ZNF18: variants seen among roughly 807,000 people sequenced by gnomAD.
The protein encoded by ZNF18 is zinc finger protein 18.
ZNF18 carries 42 observed loss-of-function variants against 58.1 expected under a neutral mutation model. The ratio of observed to expected loss-of-function variants is 0.72; its 90% CI spans 0.56 to 0.93. The LOEUF is 0.93. ZNF18 is among the 40% of genes least tolerant of loss of function. The probability of loss-of-function intolerance (pLI) is 0.00; values close to 1 mark genes in which losing one functional copy is unlikely to be tolerated. For synonymous variants in ZNF18, 231 were observed against 239.8 expected (o/e 0.96, Z 0.34); for missense variants, 540 against 644.2 (o/e 0.84, Z 1.75).
At position 11,992,916 on chromosome 17, in the gene ZNF18, A is replaced by G; in HGVS notation, c.-82-5T>C. ...AACTAGGTCTTCACCAGGACACTAAAAAGGGAATGAGATTGAGTGCTACAC... is the reference window on the plus strand; with the variant it reads ...AACTAGGTCTTCACCAGGACACTAAGAAGGGAATGAGATTGAGTGCTACAC... On this transcript the variant is annotated splice_polypyrimidine_tract_variant and splice_region_variant and intron_variant, in intron 1 of 6. Transcript: ENST00000580306. The G allele has an allele frequency of 1.4e-6, 2 of 1,435,778 alleles. No individual in the cohort carries two copies. Among genetic ancestry groups the G allele is most frequent in the Non-Finnish European group, 1.9e-6 (2 of 1,078,370 alleles). The allele number at this position is 1,435,778 out of a possible 1,614,324, so 88.9% of individuals were successfully genotyped here.
rs1179271271 is a variant in ZNF18 at position 11,978,483 on chromosome 17, G to A, written c.1124C>T (p.Pro375Leu). ...GGACATTTCTCCTGAATGAGGATTAGGCAAATGCTGACCTAGTTGTTTCTC... is the reference window on the plus strand; with the variant it reads ...GGACATTTCTCCTGAATGAGGATTAAGCAAATGCTGACCTAGTTGTTTCTC... ...ISEKQLGQHL[P>L]NPHSGEMSTM... Residue 375 changes from proline to leucine, a missense_variant, in exon 7 of 7, where the codon CCT becomes CTT. Physicochemically the swap from Pro to Leu is moderately conservative, Grantham distance 98. Coordinates refer to ENST00000580306, the MANE Select transcript of ZNF18 (RefSeq NM_001303281.2). 5.0e-6 allele frequency: 8 copies of A among 1,600,886 alleles called. No individual in the cohort carries two copies. The Admixed American group carries it at 8.6e-5, about 17-fold the overall frequency.
At position 11,981,384 on chromosome 17, in the gene ZNF18, G is replaced by A. The variant is rs144988997; in HGVS notation, c.862+1913C>T. Among the ~76,000 whole-genome samples, 983 of 149,474 alleles carry A rather than the reference G, an allele frequency of 6.6e-3. 9 individuals are homozygous for A. The highest frequency in any genetic ancestry group is 0.043 in the East Asian group (216 of 5,064). On this transcript the variant is annotated intron_variant, in intron 6 of 6. Coordinates refer to ENST00000580306, the MANE Select transcript of ZNF18 (RefSeq NM_001303281.2). ...GCCCAGGCTGGAGTGCAATGGCGCGGTCTCGGCTCACTGCAACCTCCGCCT... is the reference window on the plus strand; with the variant it reads ...GCCCAGGCTGGAGTGCAATGGCGCGATCTCGGCTCACTGCAACCTCCGCCT...
At chr17:12,001,594 A>T (rs1351306208), upstream of ZNF18, among the ~76,000 whole-genome samples, 4 of 152,146 alleles carry the variant, frequency 2.6e-5, no homozygotes, top group African/African-American at 7.2e-5. Context: ...GCGCCACTGC[A>T]CTCCAGCCTG....
chr17:11,988,880 C>T (rs954317605), intron 4 of ZNF18, among the ~76,000 whole-genome samples: 9 of 151,978 alleles, frequency 5.9e-5, no homozygotes, highest in African/African-American at 1.4e-4. Flanking sequence ...CCAAGCAGGC[C>T]GGGCATGGTG....
chr17:11,990,121 A>G (rs1968008864), intron 4 of ZNF18, among the ~76,000 whole-genome samples: 1 of 152,184 alleles, frequency 6.6e-6, no homozygotes, highest in Non-Finnish European at 1.5e-5. Flanking sequence ...AAAACCATAC[A>G]CCCACAGAGC....
chr17:11,995,879 T>C (rs1968444061), intron 1 of ZNF18, among the ~76,000 whole-genome samples: 1 of 152,006 alleles, frequency 6.6e-6, no homozygotes. Flanking sequence ...GCTCTAAAAA[T>C]ATTACGCAAA....
At chr17:12,010,243 A>G in the ZNF18 span, among the ~76,000 whole-genome samples, 17 of 152,288 alleles carry the variant, frequency 1.1e-4, no homozygotes, top group Admixed American at 3.3e-4. Flanking sequence ...TCATTTATAT[A>G]TCTTGTAATT....
At chr17:11,994,496 T>C (rs114463174) in intron 1 of ZNF18, among the ~76,000 whole-genome samples, 1,753 of 152,276 alleles carry the variant, frequency 0.012, 36 homozygotes, top group African/African-American at 0.04. Context: ...ACATTTTGCA[T>C]GTTACTGTAT....
intron 4 of ZNF18, among the ~76,000 whole-genome samples, chr17:11,984,802 TGGCC>T: frequency 6.6e-6 from 1 of 152,316 alleles, no homozygotes; most frequent in East Asian, 1.9e-4. Context: ...CCACCTTGCC[TGGCC>T]GGTACTATTT....
chr17:12,017,248 G>T, the ZNF18 span, among the ~76,000 whole-genome samples: 1 of 152,036 alleles, frequency 6.6e-6, no homozygotes, highest in African/African-American at 2.4e-5. Context: ...TGAAACTTTG[G>T]TTCTTTAATG....
intron 1 of ZNF18, among the ~76,000 whole-genome samples, chr17:11,994,726 A>G (rs1418986762): frequency 1.3e-5 from 2 of 152,182 alleles, no homozygotes; most frequent in Non-Finnish European, 2.9e-5. Context: ...CTGTGATCCC[A>G]GCTACTCGGG....
intron 1 of ZNF18, among the ~76,000 whole-genome samples, chr17:11,993,845 A>AAAAAG: frequency 6.6e-6 from 1 of 150,712 alleles, no homozygotes; most frequent in African/African-American, 2.4e-5. Flanking sequence ...AAAAAAAAAA[A>AAAAAG]AAAAGAGGGT....
At chr17:12,004,616 G>A in the ZNF18 span, among the ~76,000 whole-genome samples, 26 of 151,994 alleles carry the variant, frequency 1.7e-4, no homozygotes, top group Admixed American at 1.2e-3. Context: ...GGCCGGGCAC[G>A]GTGGCTGAAG....
At chr17:12,020,333 C>G in the ZNF18 span, among the ~76,000 whole-genome samples, 1 of 152,172 alleles carries the variant, frequency 6.6e-6, no homozygotes, top group Non-Finnish European at 1.5e-5. Flanking sequence ...TTGGTTAGTT[C>G]CCCTTGGGAC....
At chr17:11,987,874 T>A (rs1967855785) in intron 4 of ZNF18, among the ~76,000 whole-genome samples, 1 of 152,160 alleles carries the variant, frequency 6.6e-6, no homozygotes, top group Non-Finnish European at 1.5e-5. Flanking sequence ...GAGTAAACTA[T>A]GAAATTGGTA....
chr17:11,992,032 TTC>T (rs749609512), intron 2 of ZNF18, among the ~76,000 whole-genome samples: 2 of 152,216 alleles, frequency 1.3e-5, no homozygotes. Context: ...TATGCAGCTC[TTC>T]TCTCTGGCTG....
At chr17:11,988,725 T>A (rs151261514) in intron 4 of ZNF18, among the ~76,000 whole-genome samples, 1 of 152,170 alleles carries the variant, frequency 6.6e-6, no homozygotes. Flanking sequence ...TGTAATAAAC[T>A]GTGTCCAAAT....
At chr17:11,982,164 CCAA>C in intron 6 of ZNF18, among the ~76,000 whole-genome samples, 1 of 152,140 alleles carries the variant, frequency 6.6e-6, no homozygotes, top group Admixed American at 6.6e-5. Context: ...CTTGGACTTC[CCAA>C]CCTCCAGAAA....
At chr17:12,009,635 TAG>T in the ZNF18 span, among the ~76,000 whole-genome samples, 5 of 151,854 alleles carry the variant, frequency 3.3e-5, no homozygotes, top group Non-Finnish European at 5.9e-5. Context: ...GTATTCTTGG[TAG>T]AGACAAGGTT....
Sources: gnomAD v4.1 joint callset for allele counts (sites outside exome capture counted in the v4.1 genomes callset) on GRCh38, gnomAD v4.1.1 for gene constraint, MANE v1.5 for transcripts, NCBI Gene and HGNC (gene_info 2026-07-23, HGNC 2026-07-21) for gene names.